Variants in AP1M1 observed in about 807,000 individuals in gnomAD.
The protein encoded by AP1M1 is AP-1 complex subunit mu-1.
Under a neutral mutation model 57.1 loss-of-function variants are expected in AP1M1, and 18 were observed. The observed-to-expected ratio is 0.32, with a 90% confidence interval of 0.22 to 0.47. AP1M1 has a LOEUF of 0.47. Ranked by LOEUF, AP1M1 falls within the 20% of genes least tolerant of loss-of-function variation. AP1M1 has a pLI of 1.00. For synonymous variants in AP1M1, 241 were observed against 237.9 expected (o/e 1.01, Z -0.12); for missense variants, 362 against 593.5 (o/e 0.61, Z 4.05).
intron 5 of AP1M1, among the ~76,000 whole-genome samples, chr19:16,211,958 T>C (rs533616145): frequency 6.6e-6 from 1 of 152,334 alleles, no homozygotes; most frequent in East Asian, 1.9e-4. Flanking sequence ...GCCTTCTTGA[T>C]TGTGGCGGAT....
chr19:16,207,470 G>A lies in AP1M1; in HGVS notation c.268-549G>A, dbSNP rs34224618. ...CAGCAGATCAGAGAATGGGGGATGC[G>A]GGAAGGGGAAGGTCCTCACCCAAGG... On this transcript the variant is annotated intron_variant, in intron 3 of 11. Transcript: ENST00000291439. This position sits in a 1 kb window ranked among gnomAD's most constrained non-coding sequence, Gnocchi z 4.2. Among the ~76,000 whole-genome samples the A allele has an allele frequency of 0.088, 13,446 of 152,142 alleles. 795 individuals are homozygous for A. The highest frequency in any genetic ancestry group is 0.14 in the Non-Finnish European group (9,455 of 67,984).
chr19:16,234,393 G>A lies in AP1M1; in HGVS notation c.1250-20G>A, dbSNP rs761029566. 8 of 1,613,916 alleles carry A rather than the reference G, an allele frequency of 5.0e-6. No individual in the cohort carries two copies. The highest frequency in any genetic ancestry group is 1.7e-4 in the Middle Eastern group (1 of 6,050). On this transcript the variant is annotated intron_variant, in intron 11 of 11. Coordinates refer to ENST00000291439, the MANE Select transcript of AP1M1 (RefSeq NM_032493.4). ...GGGAGGGTGCAGAGCCCAGCATGACGCCTCCCTCCTGTCTCCTAGATTACC... is the reference window on the plus strand; with the variant it reads ...GGGAGGGTGCAGAGCCCAGCATGACACCTCCCTCCTGTCTCCTAGATTACC...
chr19:16,198,965 G>A (rs1316987761), intron 1 of AP1M1, among the ~76,000 whole-genome samples: 2 of 152,014 alleles, frequency 1.3e-5, no homozygotes, highest in Admixed American at 6.6e-5. Flanking sequence ...CTGCCACTAC[G>A]CCGAGCTAAA....
At chr19:16,224,045 C>T (rs372556443) in intron 5 of AP1M1, among the ~76,000 whole-genome samples, 8 of 152,250 alleles carry the variant, frequency 5.3e-5, no homozygotes, top group Non-Finnish European at 8.8e-5. Context: ...TGGGTGTCTC[C>T]GTGACCTGGG....
In AP1M1 at chr19:16,208,097, G is replaced by A. The variant is rs1467508171; in HGVS notation, c.346G>A (p.Glu116Lys). Residue 116 changes from glutamate to lysine, a missense_variant, in exon 4 of 12, where the codon GAG (glutamate) becomes AAG (lysine). Glu to Lys is a moderately conservative substitution (Grantham distance 56). Coordinates refer to ENST00000291439, the MANE Select transcript of AP1M1 (RefSeq NM_032493.4). ...NFVIIYELLDELMDFGYPQTT... is the reference protein window; with the variant it reads ...NFVIIYELLDKLMDFGYPQTT... ...TGTTATCATCTACGAGCTGCTGGAC[G>A]AGCTCATGGACTTCGGCTACCCCCA... The A allele has an allele frequency of 3.7e-6, 6 of 1,613,832 alleles. No homozygotes were observed. The highest frequency in any genetic ancestry group is 2.2e-5 in the East Asian group (1 of 44,892).
chr19:16,197,997 C>A lies in AP1M1; in HGVS notation c.-30C>A. 6.4e-7 allele frequency: 1 copy of A among 1,559,484 alleles called. No homozygotes were observed. Among genetic ancestry groups the A allele is most frequent in the South Asian group, 1.2e-5 (1 of 85,850 alleles). ...CCGTCGCTGCCGCCGCCACCGCCCT[C>A]GGCCGCTGCCGAGGCCTCCTGCAGC... is the stretch of plus-strand genomic sequence containing the variant. On this transcript the variant is annotated 5_prime_UTR_variant, in exon 1 of 12. Transcript: ENST00000291439.
In AP1M1 at chr19:16,198,002, G is replaced by A; in HGVS notation, c.-25G>A. Reference sequence around the variant, plus strand: ...GCTGCCGCCGCCACCGCCCTCGGCCGCTGCCGAGGCCTCCTGCAGCCATCA... The same window carrying A: ...GCTGCCGCCGCCACCGCCCTCGGCCACTGCCGAGGCCTCCTGCAGCCATCA... On this transcript the variant is annotated 5_prime_UTR_variant, in exon 1 of 12. Coordinates refer to ENST00000291439, the MANE Select transcript of AP1M1 (RefSeq NM_032493.4). The A allele has an allele frequency of 3.2e-6, 5 of 1,564,430 alleles. No homozygotes were observed. The highest frequency in any genetic ancestry group is 4.3e-6 in the Non-Finnish European group (5 of 1,160,002).
intron 1 of AP1M1, among the ~76,000 whole-genome samples, chr19:16,202,246 C>T (rs192673939): frequency 3.9e-4 from 60 of 152,292 alleles, no homozygotes; most frequent in East Asian, 2.9e-3. Context: ...TGGTCAGCGC[C>T]GCAATGGCCT....
At chr19:16,208,459 G>A (rs1208027745) in intron 4 of AP1M1, among the ~76,000 whole-genome samples, 2 of 152,130 alleles carry the variant, frequency 1.3e-5, no homozygotes, top group Non-Finnish European at 2.9e-5. Flanking sequence ...GACTGTGATC[G>A]AAATCTCCCC....
At chr19:16,208,951 C>A (rs1337156465) in intron 4 of AP1M1, 79 bp from the exon 5 acceptor site, 19 of 1,534,728 alleles carry the variant, frequency 1.2e-5, no homozygotes, top group Non-Finnish European at 1.7e-5. Context: ...CCCACCCAAC[C>A]CTGCCGAAAT....
Position 16,243,187 on chromosome 19 carries a change from ATTAG to A in AP1M1, c.*8757_*8760del, listed in dbSNP as rs1274267216. ...ACTCTCTGAGGAATTTTCAAGAGAA[ATTAG>A]TTAGAATTCAACAAGAAATAAATTA... On this transcript the variant is annotated 3_prime_UTR_variant, in exon 12 of 12. Transcript: ENST00000291439. 2.0e-5 allele frequency: 3 copies of A among 152,248 alleles called. No individual in the cohort carries two copies. Among genetic ancestry groups the A allele is most frequent in the Non-Finnish European group, 4.4e-5 (3 of 68,046 alleles). 9.4% of individuals were successfully genotyped at this position (152,248 alleles called of 1,614,324 possible).
chr19:16,228,916 C>A lies in AP1M1; in HGVS notation c.1035C>A (p.Ile345=). 6.2e-7 allele frequency: 1 copy of A among 1,613,984 alleles called. No homozygotes were observed. Among genetic ancestry groups the A allele is most frequent in the African/African-American group, 1.3e-5 (1 of 75,018 alleles). ...VPENSEIVWS[I]KSFPGGKEYL... ...AGAACAGCGAGATCGTGTGGTCCAT[C>A]AAGTCCTTCCCGGTGAGCACTCTGT... is the stretch of plus-strand genomic sequence containing the variant. Residue 345 remains isoleucine (I), a synonymous_variant, in exon 9 of 12, where the codon ATC becomes ATA. Coordinates refer to ENST00000291439, the MANE Select transcript of AP1M1 (RefSeq NM_032493.4). This position sits in a 1 kb window ranked among gnomAD's most constrained non-coding sequence, Gnocchi z 5.0.
intron 5 of AP1M1, among the ~76,000 whole-genome samples, chr19:16,218,102 A>G (rs960320688): frequency 6.6e-6 from 1 of 152,246 alleles, no homozygotes; most frequent in African/African-American, 2.4e-5. Flanking sequence ...TTTGCATATA[A>G]TTAAAAGTCA....
intron 9 of AP1M1, among the ~76,000 whole-genome samples, chr19:16,229,316 A>G (rs563784466): frequency 6.6e-6 from 1 of 152,228 alleles, no homozygotes; most frequent in Non-Finnish European, 1.5e-5. Flanking sequence ...CTTGCCTGCC[A>G]TCAAGGGGAA....
At chr19:16,204,976 G>A (rs961139314) in intron 2 of AP1M1, among the ~76,000 whole-genome samples, 3 of 152,026 alleles carry the variant, frequency 2.0e-5, no homozygotes, top group Admixed American at 6.5e-5. Context: ...GACTACAGGC[G>A]CCCGCCACCA....
rs181865451 is a variant in AP1M1 at position 16,236,705 on chromosome 19, C to A, written c.*2270C>A. On this transcript the variant is annotated 3_prime_UTR_variant, in exon 12 of 12. Transcript: ENST00000291439. ...AAAGTCACCACTCATTTAGACCCCACGCTTGTAATATCAATCTGGTTTGCA... is the reference window on the plus strand; with the variant it reads ...AAAGTCACCACTCATTTAGACCCCAAGCTTGTAATATCAATCTGGTTTGCA... The A allele has an allele frequency of 6.6e-6, 1 of 152,224 alleles. No individual in the cohort carries two copies. Among genetic ancestry groups the A allele is most frequent in the Non-Finnish European group, 1.5e-5 (1 of 68,060 alleles). The allele number at this position is 152,224 out of a possible 1,614,324, so 9.4% of individuals were successfully genotyped here.
chr19:16,206,936 G>A lies in AP1M1; in HGVS notation c.267+528G>A, dbSNP rs187469799. Among the ~76,000 whole-genome samples, 371 of 152,326 alleles carry A rather than the reference G, an allele frequency of 2.4e-3. No homozygotes were observed. Among genetic ancestry groups the A allele is most frequent in the Non-Finnish European group, 4.2e-3 (288 of 68,028 alleles). On this transcript the variant is annotated intron_variant, in intron 3 of 11. Transcript: ENST00000291439. This position sits in a 1 kb window ranked among gnomAD's most constrained non-coding sequence, Gnocchi z 4.3. ...GGGAGGCCAGCGTGCGTGTGGCAGA[G>A]TATGAGGCTGAGGTCAGCTGGGAAG...
rs2091651384 is a variant in AP1M1 at position 16,243,220 on chromosome 19, TA to T, written c.*8789del. On this transcript the variant is annotated 3_prime_UTR_variant, in exon 12 of 12. Coordinates refer to ENST00000291439, the MANE Select transcript of AP1M1 (RefSeq NM_032493.4). ...GAATTCAACAAGAAATAAATTACTT[TA>T]AAATATTTCCAAATATGAGAGGTTT... 1.3e-5 allele frequency: 2 copies of T among 151,972 alleles called. No individual in the cohort carries two copies. Among genetic ancestry groups the T allele is most frequent in the Non-Finnish European group, 2.9e-5 (2 of 68,024 alleles). The allele number at this position is 151,972 out of a possible 1,614,324, so 9.4% of individuals were successfully genotyped here. A position where few individuals can be genotyped will look rare whatever the true frequency, so the allele number is the denominator to read the frequency against.
rs1448849252 is a variant in AP1M1, at chr19:16,243,615, T to G, written c.*9180T>G. On this transcript the variant is annotated 3_prime_UTR_variant, in exon 12 of 12. Transcript: ENST00000291439. ...TAAAGCACATTTTTCAATCACCATG[T>G]GTCAAAGAAGAAAATATAATGGAAG... is the stretch of plus-strand genomic sequence containing the variant. The G allele has an allele frequency of 6.6e-6, 1 of 152,068 alleles. No homozygotes were observed. The highest frequency in any genetic ancestry group is 1.5e-5 in the Non-Finnish European group (1 of 68,056). The allele number at this position is 152,068 out of a possible 1,614,324, so 9.4% of individuals were successfully genotyped here.
Sources: gnomAD v4.1 joint callset for allele counts (sites outside exome capture counted in the v4.1 genomes callset) on GRCh38, gnomAD v4.1.1 for gene constraint, Gnocchi (gnomAD v3.1) non-coding constraint, MANE v1.5 for transcripts, NCBI Gene and HGNC (gene_info 2026-07-23, HGNC 2026-07-21) for gene names.